Variants in PAMR1 observed in about 807,000 individuals in gnomAD.
PAMR1 encodes the protein peptidase domain containing associated with muscle regeneration 1, also known as inactive serine protease PAMR1.
In PAMR1, 88 loss-of-function variants were observed where a neutral mutation model predicts 81.8. The observed-to-expected ratio is 1.08, with a 90% CI of 0.91 to 1.28. The LOEUF is 1.28. Among genes scored for constraint, PAMR1 ranks in the 50% most tolerant of loss-of-function variants. PAMR1 has a pLI of 0.00. For missense variants in PAMR1, 935 were observed against 919.7 expected (o/e 1.02, Z -0.21); for synonymous variants, 336 against 345.3 (o/e 0.97, Z 0.30).
rs142113264 is a variant in PAMR1 at position 35,507,189 on chromosome 11, C to T, written c.74-12917G>A. On this transcript the variant is annotated intron_variant, in intron 1 of 10. Coordinates refer to ENST00000619888, the MANE Select transcript of PAMR1 (RefSeq NM_001001991.3). ...AGCCTTCCCAAGTAGCTGGGATTAT[C>T]GGCATGCACCACCAAGCCCGGCTAA... 7.7e-3 allele frequency among the ~76,000 whole-genome samples: 1,165 copies of T among 151,684 alleles called. 17 individuals are homozygous for T. The highest frequency in any genetic ancestry group is 0.027 in the African/African-American group (1,102 of 41,384).
chr11:35,500,707 A>G (rs1850818481), intron 1 of PAMR1, among the ~76,000 whole-genome samples: 1 of 152,258 alleles, frequency 6.6e-6, no homozygotes, highest in South Asian at 2.1e-4. Flanking sequence ...AAGCAATTTC[A>G]TCGTTGTGTG....
chr11:35,521,354 C>T (rs942493984), intron 1 of PAMR1, among the ~76,000 whole-genome samples: 1 of 152,318 alleles, frequency 6.6e-6, no homozygotes, highest in Middle Eastern at 3.4e-3. Context: ...TCCAGCCTTC[C>T]ACCTTCTCCC....
At chr11:35,475,068 CTG>C (rs891985103) in intron 3 of PAMR1, among the ~76,000 whole-genome samples, 3 of 152,162 alleles carry the variant, frequency 2.0e-5, no homozygotes, top group African/African-American at 4.8e-5. Flanking sequence ...TCAAACCTAA[CTG>C]TGTTTGAATG....
In PAMR1 at chr11:35,474,745, CTAAGAAAA is replaced by C. The variant is rs1479378509; in HGVS notation, c.380-9_380-2del. On this transcript the variant is annotated splice_acceptor_variant and splice_polypyrimidine_tract_variant and intron_variant, in intron 3 of 10. Transcript: ENST00000619888. LOFTEE classifies it high-confidence loss of function. The stretch of plus-strand genomic sequence containing the variant: ...GGGGCTCGCAGAACCTGGCCACATC[CTAAGAAAA>C]GAAGAAAAGATTGGGACATAAAAAT... The C allele has an allele frequency of 5.0e-6, 8 of 1,598,606 alleles. No homozygotes were observed. The highest frequency in any genetic ancestry group is 6.8e-6 in the Non-Finnish European group (8 of 1,170,264).
intron 1 of PAMR1, among the ~76,000 whole-genome samples, chr11:35,511,249 T>C (rs1851067360): frequency 6.6e-6 from 1 of 152,262 alleles, no homozygotes; most frequent in Non-Finnish European, 1.5e-5. Flanking sequence ...GAGAAGCATG[T>C]AATCCCTCAA....
chr11:35,498,443 A>T (rs1850767871), intron 1 of PAMR1, among the ~76,000 whole-genome samples: 1 of 152,220 alleles, frequency 6.6e-6, no homozygotes, highest in Non-Finnish European at 1.5e-5. Context: ...ATACTAGACA[A>T]AATAATGCAT....
chr11:35,526,542 A>C (rs1164929434), upstream of PAMR1, among the ~76,000 whole-genome samples: 2 of 152,200 alleles, frequency 1.3e-5, no homozygotes, highest in African/African-American at 4.8e-5. Context: ...GTATTAACTC[A>C]ATTATTCCTC....
At chr11:35,457,556 C>A (rs915192904) in intron 6 of PAMR1, among the ~76,000 whole-genome samples, 1 of 152,106 alleles carries the variant, frequency 6.6e-6, no homozygotes, top group East Asian at 1.9e-4. Context: ...AGAACCATGA[C>A]TAATACAAAG....
intron 10 of PAMR1, among the ~76,000 whole-genome samples, chr11:35,434,071 C>T (rs537342350): frequency 2.0e-4 from 31 of 152,120 alleles, no homozygotes; most frequent in Non-Finnish European, 4.0e-4. Flanking sequence ...CTACTTTGAG[C>T]CAGGCACTGT....
chr11:35,446,890 T>C (rs182116721), intron 6 of PAMR1, among the ~76,000 whole-genome samples: 42 of 152,302 alleles, frequency 2.8e-4, no homozygotes, highest in African/African-American at 1.0e-3. Flanking sequence ...TGAATATCTT[T>C]GTTAATTTTC....
In PAMR1 at chr11:35,434,525, A is replaced by G. The variant is rs760416797; in HGVS notation, c.1613T>C (p.Ile538Thr). The change falls in exon 10 of 11, where the codon ATC becomes ACC. Residue 538 changes from isoleucine (I) to threonine (T), a missense_variant. By Grantham distance (89) the Ile-to-Thr change is moderately conservative. Transcript: ENST00000619888. The stretch of plus-strand genomic sequence containing the variant: ...GCCCTCTCTTACCTGTAGGCTCTGG[A>G]TGGTCTTCTCATCCCGGTCATCATC... ...YRDDDRDEKTIQSLQISAIIL... is the reference protein window; with the variant it reads ...YRDDDRDEKTTQSLQISAIIL... 33 of 1,613,732 alleles carry G rather than the reference A, an allele frequency of 2.0e-5. No homozygotes were observed. In the South Asian group the frequency reaches 3.4e-4, roughly 17 times the overall value.
At chr11:35,510,016 T>C (rs983142649) in intron 1 of PAMR1, among the ~76,000 whole-genome samples, 8 of 152,172 alleles carry the variant, frequency 5.3e-5, no homozygotes, top group Non-Finnish European at 1.2e-4. Context: ...AAAACAAGCA[T>C]ATGCCCATGA....
intron 1 of PAMR1, among the ~76,000 whole-genome samples, chr11:35,510,064 T>C (rs1388981988): frequency 6.6e-6 from 1 of 152,234 alleles, no homozygotes; most frequent in Admixed American, 6.5e-5. Flanking sequence ...TTCTGGGTGC[T>C]ACACACATTC....
At chr11:35,464,300 T>G (rs1343513908) in intron 6 of PAMR1, among the ~76,000 whole-genome samples, 1 of 152,234 alleles carries the variant, frequency 6.6e-6, no homozygotes, top group African/African-American at 2.4e-5. Flanking sequence ...AATCATTTTT[T>G]CAAATCAGAA....
intron 6 of PAMR1, among the ~76,000 whole-genome samples, chr11:35,446,872 T>G (rs948227415): frequency 6.6e-6 from 1 of 152,244 alleles, no homozygotes; most frequent in South Asian, 2.1e-4. Context: ...AGAGCTGAGT[T>G]CAAGTCCTGA....
intron 6 of PAMR1, among the ~76,000 whole-genome samples, chr11:35,447,451 C>T (rs1229029264): frequency 6.6e-6 from 1 of 152,130 alleles, no homozygotes; most frequent in Non-Finnish European, 1.5e-5. Flanking sequence ...GATCTGTCCG[C>T]CTCGGCCTCC....
At chr11:35,495,365 G>T (rs933076149) in intron 1 of PAMR1, among the ~76,000 whole-genome samples, 4 of 151,868 alleles carry the variant, frequency 2.6e-5, no homozygotes, top group Admixed American at 2.6e-4. Flanking sequence ...CCCTTTCTGG[G>T]CAGGATTCTT....
At chr11:35,511,108 A>C (rs645079) in intron 1 of PAMR1, among the ~76,000 whole-genome samples, 16,330 of 152,286 alleles carry the variant, frequency 0.11, 989 homozygotes, top group African/African-American at 0.17. Flanking sequence ...TATATTTAGT[A>C]AACAAATGAA....
intron 1 of PAMR1, among the ~76,000 whole-genome samples, chr11:35,513,723 AAC>A: frequency 6.6e-6 from 1 of 152,298 alleles, no homozygotes; most frequent in East Asian, 1.9e-4. Context: ...TCTCATTTAC[AAC>A]ACACTCCCCA....
Sources: gnomAD v4.1 joint callset for allele counts (sites outside exome capture counted in the v4.1 genomes callset) on GRCh38, gnomAD v4.1.1 for gene constraint, MANE v1.5 for transcripts, NCBI Gene and HGNC (gene_info 2026-07-23, HGNC 2026-07-21) for gene names.